The following CHL1 variants were observed in gnomAD, a reference collection of about 807,000 sequenced individuals.
The protein encoded by CHL1 is cell adhesion molecule L1 like.
CHL1 carries 96 observed loss-of-function variants against 141.9 expected under a neutral mutation model. The observed-to-expected ratio is 0.68, with a 90% confidence interval of 0.57 to 0.80. The LOEUF (loss-of-function observed/expected upper bound fraction) is 0.80, where lower values mean the gene tolerates loss of function less well. CHL1 is among the 30% of genes least tolerant of loss of function. CHL1 has a pLI of 0.00. For synonymous variants in CHL1, 613 were observed against 502.2 expected, an observed-to-expected ratio of 1.22 and a Z score of -2.95; for missense variants, 1,820 against 1,457.2, an observed-to-expected ratio of 1.25 and a Z score of -4.05.
At chr3:367,176 A>T (rs1705009021) in intron 15 of CHL1, among the ~76,000 whole-genome samples, 1 of 152,270 alleles carries the variant, frequency 6.6e-6, no homozygotes, top group African/African-American at 2.4e-5. Flanking sequence ...TTTTGAAAAT[A>T]TGAGAAAGTC....
intron 14 of CHL1, among the ~76,000 whole-genome samples, chr3:364,545 G>A (rs912339697): frequency 6.6e-6 from 1 of 152,190 alleles, no homozygotes; most frequent in Admixed American, 6.5e-5. Flanking sequence ...TGGCCAGAGA[G>A]ATGGACAAGT....
intron 1 of CHL1, among the ~76,000 whole-genome samples, chr3:222,275 CT>C (rs766914499): frequency 1.4e-4 from 22 of 151,886 alleles, no homozygotes; most frequent in African/African-American, 3.1e-4. Flanking sequence ...GTTTACTTGC[CT>C]TTTTTTTAGC....
At chr3:246,165 G>C (rs1015447946) in intron 2 of CHL1, among the ~76,000 whole-genome samples, 2 of 152,002 alleles carry the variant, frequency 1.3e-5, no homozygotes, top group African/African-American at 4.8e-5. Flanking sequence ...TTCTGAGATA[G>C]TAATGAACAA....
At chr3:204,579 G>T (rs879915968) in intron 1 of CHL1, among the ~76,000 whole-genome samples, 3 of 152,204 alleles carry the variant, frequency 2.0e-5, no homozygotes, top group Non-Finnish European at 4.4e-5. Context: ...TAGAGTTGTT[G>T]GAAGTTCGGT....
intron 5 of CHL1, among the ~76,000 whole-genome samples, chr3:329,145 T>C (rs986807453): frequency 6.6e-6 from 1 of 152,236 alleles, no homozygotes; most frequent in African/African-American, 2.4e-5. Context: ...ACCTTTTATA[T>C]TTTATCACGT....
At chr3:267,307 T>G (rs1695242900) in intron 2 of CHL1, among the ~76,000 whole-genome samples, 2 of 152,194 alleles carry the variant, frequency 1.3e-5, no homozygotes, top group Admixed American at 1.3e-4. Context: ...GGCACAGAAT[T>G]TAATGAGAAT....
rs781421419 is a variant in CHL1, at chr3:349,476, A to G, written c.966A>G (p.Gly322=). 2 of 1,614,080 alleles carry G rather than the reference A, an allele frequency of 1.2e-6. No homozygotes were observed. The highest frequency in any genetic ancestry group is 2.2e-5 in the South Asian group (2 of 91,086). The part of the protein sequence containing the change: ...KIENVSYQDK[G]NYRCTASNFL... ...AGAATGTCTCCTACCAGGACAAAGG[A>G]AATTATCGCTGCACAGCCAGCAATT... The change falls in exon 10 of 28, where the codon GGA becomes GGG. Residue 322 remains glycine (G), a synonymous_variant. Transcript: ENST00000256509.
chr3:314,977 A>G (rs1280534146), intron 2 of CHL1, among the ~76,000 whole-genome samples: 1 of 152,110 alleles, frequency 6.6e-6, no homozygotes, highest in African/African-American at 2.4e-5. Context: ...ATATCAATCA[A>G]TATCATTTCA....
rs1559298076 is a variant in CHL1, at chr3:226,019, A to AAC, written c.-174-18594_-174-18593insAC. On this transcript the variant is annotated intron_variant, in intron 1 of 27. Coordinates refer to ENST00000256509, the MANE Select transcript of CHL1 (RefSeq NM_006614.4). ...ATGAGACTCTGTCTAAAAAAAAGAG[A>AAC]CACGTTAATCTTAACTTTTTTTGAG... Among the ~76,000 whole-genome samples the AAC allele has an allele frequency of 2.3e-5, 3 of 129,694 alleles. 1 individual carries two copies. The highest frequency in any genetic ancestry group is 8.8e-5 in the African/African-American group (3 of 33,972). The allele number at this position is 129,694 out of a possible 152,430, so 85.1% of individuals were successfully genotyped here. A position where few individuals can be genotyped will look rare whatever the true frequency, so the allele number is the denominator to read the frequency against.
At chr3:353,500 G>A (rs1703440252) in intron 10 of CHL1, among the ~76,000 whole-genome samples, 1 of 152,182 alleles carries the variant, frequency 6.6e-6, no homozygotes, top group Admixed American at 6.5e-5. Flanking sequence ...TATGAATACA[G>A]ATATTTAACT....
At chr3:363,573 T>C in intron 14 of CHL1, 190 bp downstream of exon 14, 1 of 512,930 alleles carries the variant, frequency 1.9e-6, no homozygotes, top group Non-Finnish European at 3.4e-6. Flanking sequence ...CCATGATATG[T>C]GCACAGCTTC....
In CHL1 at chr3:394,855, C is replaced by T. The variant is rs1708539612; in HGVS notation, c.3077C>T (p.Ser1026Phe). The T allele has an allele frequency of 6.2e-7, 1 of 1,612,120 alleles. No individual in the cohort carries two copies. The highest frequency in any genetic ancestry group is 2.2e-5 in the East Asian group (1 of 44,856). The change falls in exon 24 of 28, where the codon TCC becomes TTC. Residue 1026 changes from serine to phenylalanine, a missense_variant. Physicochemically the swap from Ser to Phe is radical, Grantham distance 155 (BLOSUM62 -2). Transcript: ENST00000256509. ...GCGKPITEESSTLGEGSKGIG... is the reference protein window; with the variant it reads ...GCGKPITEESFTLGEGSKGIG... Reference sequence around the variant, plus strand: ...GGAAAACCGATCACGGAGGAAAGCTCCACCTTAGGAGAAGGGAGTAAGTAC... The same window carrying T: ...GGAAAACCGATCACGGAGGAAAGCTTCACCTTAGGAGAAGGGAGTAAGTAC...
At chr3:310,660 C>T (rs1163673054) in intron 2 of CHL1, among the ~76,000 whole-genome samples, 2 of 152,112 alleles carry the variant, frequency 1.3e-5, no homozygotes, top group Non-Finnish European at 2.9e-5. Flanking sequence ...ACCGGTTCTG[C>T]ATATGCACAG....
chr3:246,198 AT>A (rs955101450), intron 2 of CHL1, among the ~76,000 whole-genome samples: 4 of 152,246 alleles, frequency 2.6e-5, no homozygotes, highest in Non-Finnish European at 4.4e-5. Flanking sequence ...AGGGTATTAA[AT>A]TTTAAAAAAG....
Position 401,656 on chromosome 3 carries a change from C to G in CHL1, c.3416C>G (p.Pro1139Arg). The change falls in exon 27 of 28, where the codon CCA (proline) becomes CGA (arginine). Residue 1139 changes from proline (P) to arginine (R), a missense_variant. Transcript: ENST00000256509. ...VKEKEDLHPDPEIQSVKDETF... is the reference protein window; with the variant it reads ...VKEKEDLHPDREIQSVKDETF... ...GAAAAGGAAGATTTGCATCCAGACC[C>G]AGAAATTCAGTCAGTAAAAGATGAA... 1 of 1,597,092 alleles carries G rather than the reference C, an allele frequency of 6.3e-7. No individual in the cohort carries two copies. The highest frequency in any genetic ancestry group is 1.4e-5 in the African/African-American group (1 of 73,978).
chr3:269,365 C>T (rs1695435861), intron 2 of CHL1, among the ~76,000 whole-genome samples: 1 of 152,138 alleles, frequency 6.6e-6, no homozygotes. Context: ...GTTTAGTTAA[C>T]TGAATCAGTA....
At chr3:263,028 G>A (rs3872667) in intron 2 of CHL1, among the ~76,000 whole-genome samples, 3 of 152,128 alleles carry the variant, frequency 2.0e-5, no homozygotes, top group South Asian at 4.2e-4. Flanking sequence ...ATTCAGAATC[G>A]CCTTGAAACA....
intron 9 of CHL1, among the ~76,000 whole-genome samples, chr3:348,384 CAA>C (rs1467507025): frequency 6.6e-6 from 1 of 152,098 alleles, no homozygotes; most frequent in South Asian, 2.1e-4. Flanking sequence ...ATAAAATTAG[CAA>C]AGTTGTTTCT....
chr3:330,575 C>A (rs9833883), intron 5 of CHL1, among the ~76,000 whole-genome samples: 10,829 of 151,920 alleles, frequency 0.071, 1,273 homozygotes, highest in African/African-American at 0.24. Flanking sequence ...AAGAAAAAAT[C>A]TAGACAAATA....
Sources: allele counts gnomAD v4.1 joint callset (sites outside exome capture counted in the v4.1 genomes callset), GRCh38; gene constraint gnomAD v4.1.1; transcripts MANE v1.5; gene names NCBI Gene and HGNC (gene_info 2026-07-23, HGNC 2026-07-21).